PTPRZ1: variants seen among roughly 807,000 people sequenced by gnomAD.
The protein encoded by PTPRZ1 is protein tyrosine phosphatase receptor type Z1.
In PTPRZ1, 82 loss-of-function variants were observed where a neutral mutation model predicts 214.1. The observed-to-expected ratio is 0.38, with a 90% CI of 0.32 to 0.46. The LOEUF (loss-of-function observed/expected upper bound fraction) is 0.46, where lower values mean the gene tolerates loss of function less well. Among genes scored for constraint, PTPRZ1 ranks in the 20% least tolerant of loss-of-function variants. The pLI, the probability that PTPRZ1 is intolerant of heterozygous loss-of-function variation, is 1.00. For missense variants in PTPRZ1, 2,603 were observed against 2,748.7 expected, an observed-to-expected ratio of 0.95 and a Z score of 1.19; for synonymous variants, 945 against 987.9, an observed-to-expected ratio of 0.96 and a Z score of 0.81.
chr7:121,963,462 T>G (rs1796941926), intron 2 of PTPRZ1, among the ~76,000 whole-genome samples: 1 of 152,102 alleles, frequency 6.6e-6, no homozygotes, highest in South Asian at 2.1e-4. Context: ...ACTCCCTTTT[T>G]GGGAGTTTTA....
intron 8 of PTPRZ1, among the ~76,000 whole-genome samples, chr7:121,984,827 G>A (rs1333025239): frequency 1.3e-5 from 2 of 151,616 alleles, no homozygotes; most frequent in East Asian, 1.9e-4. Flanking sequence ...ATTTTTAAAT[G>A]TCCAGAGAAC....
intron 15 of PTPRZ1, 136 bp downstream of exon 15, chr7:122,031,695 A>C: frequency 1.7e-6 from 1 of 573,326 alleles, no homozygotes. Flanking sequence ...CCATAATTAC[A>C]TATGTGTTTA....
intron 2 of PTPRZ1, among the ~76,000 whole-genome samples, chr7:121,953,962 CA>C (rs1796633764): frequency 6.6e-6 from 1 of 152,172 alleles, no homozygotes; most frequent in Non-Finnish European, 1.5e-5. Context: ...AGTCATCAGT[CA>C]GAGTCATCAA....
intron 1 of PTPRZ1, among the ~76,000 whole-genome samples, chr7:121,915,805 A>G (rs1563015740): frequency 6.6e-6 from 1 of 152,124 alleles, no homozygotes; most frequent in Non-Finnish European, 1.5e-5. Context: ...TCTATTAAGG[A>G]AAACAGGTTA....
At chr7:122,033,804 A>C in intron 15 of PTPRZ1, 1 of 394,274 alleles carries the variant, frequency 2.5e-6, no homozygotes, top group Non-Finnish European at 4.5e-6. Context: ...TGTATCATGG[A>C]ATATGTGGTT....
intron 1 of PTPRZ1, among the ~76,000 whole-genome samples, chr7:121,927,580 C>G (rs907029985): frequency 6.6e-6 from 1 of 152,166 alleles, no homozygotes; most frequent in African/African-American, 2.4e-5. Context: ...CTCTGTTCCT[C>G]CAAGTGACAA....
Position 122,010,443 on chromosome 7 carries a change from A to C in PTPRZ1, c.1397A>C (p.His466Pro). 1 of 1,614,066 alleles carries C rather than the reference A, an allele frequency of 6.2e-7. No homozygotes were observed. Among genetic ancestry groups the C allele is most frequent in the Non-Finnish European group, 8.5e-7 (1 of 1,179,964 alleles). ...KKEPQISTTT[H>P]YNRIGTKYNE... ...GAACCCCAGATTTCTACCACAACAC[A>C]CTACAATCGCATAGGGACGAAATAC... The change falls in exon 12 of 30, where the codon CAC becomes CCC. Residue 466 changes from histidine to proline, a missense_variant. By Grantham distance (77) the His-to-Pro change is moderately conservative. This residue lies in a region of PTPRZ1 where 1,913 missense variants were observed against 1,914.3 expected (regional missense o/e 1.00). Coordinates refer to ENST00000393386, the MANE Select transcript of PTPRZ1 (RefSeq NM_002851.3).
At chr7:122,020,549 GTAAAAGCTA>G (rs1449879131) in intron 13 of PTPRZ1, among the ~76,000 whole-genome samples, 9 of 152,152 alleles carry the variant, frequency 5.9e-5, no homozygotes, top group Admixed American at 2.6e-4. Context: ...TGTCTTTTGA[GTAAAAGCTA>G]TTGGATGTTT....
At chr7:122,034,500 G>A in intron 17 of PTPRZ1, 122 bp downstream of exon 17, 1 of 722,898 alleles carries the variant, frequency 1.4e-6, no homozygotes, top group Non-Finnish European at 2.3e-6. Flanking sequence ...TTTTTATCAG[G>A]GAATAATAAG....
In PTPRZ1 at chr7:121,891,451, C is replaced by CTTTTTTTTTTTTTTTTTT. The variant is rs58135453; in HGVS notation, c.58+17907_58+17924dup. ...AAATATTTGTTGAATAAAACAACCTCTTTTTTTTTTTTTTTTTTTTTTTTT... is the reference window on the plus strand; with the variant it reads ...AAATATTTGTTGAATAAAACAACCTCTTTTTTTTTTTTTTTTTTTTTTTTTTTTTTTTTTTTTTTTTTT... On this transcript the variant is annotated intron_variant, in intron 1 of 29. Coordinates refer to ENST00000393386, the MANE Select transcript of PTPRZ1 (RefSeq NM_002851.3). Among the ~76,000 whole-genome samples the CTTTTTTTTTTTTTTTTTT allele has an allele frequency of 1.5e-3, 55 of 35,750 alleles. 4 individuals are homozygous for CTTTTTTTTTTTTTTTTTT. Among genetic ancestry groups the CTTTTTTTTTTTTTTTTTT allele is most frequent in the Non-Finnish European group, 2.1e-3 (41 of 19,366 alleles). The allele number at this position is 35,750 out of a possible 152,430, so 23.5% of individuals were successfully genotyped here.
In PTPRZ1 at chr7:122,010,791, G is replaced by A. The variant is rs1260022141; in HGVS notation, c.1745G>A (p.Gly582Glu). ...TTGACCAGTTTCAAGCTTGATACTGGAGCTGAAGATTCTTCAGGCTCCAGT... is the reference window on the plus strand; with the variant it reads ...TTGACCAGTTTCAAGCTTGATACTGAAGCTGAAGATTCTTCAGGCTCCAGT... ...SLLTSFKLDT[G>E]AEDSSGSSPA... Residue 582 changes from glycine (G) to glutamate (E), a missense_variant, in exon 12 of 30, where the codon GGA becomes GAA. Gly to Glu is a moderately conservative substitution (Grantham distance 98). Coordinates refer to ENST00000393386, the MANE Select transcript of PTPRZ1 (RefSeq NM_002851.3). 1.9e-6 allele frequency: 3 copies of A among 1,613,762 alleles called. No homozygotes were observed. Among genetic ancestry groups the A allele is most frequent in the African/African-American group, 2.7e-5 (2 of 74,870 alleles).
At chr7:122,056,745 T>C (rs971100322) in intron 27 of PTPRZ1, among the ~76,000 whole-genome samples, 11 of 151,864 alleles carry the variant, frequency 7.2e-5, no homozygotes, top group African/African-American at 2.4e-4. Context: ...GACCATCAAG[T>C]CTTTCATTTG....
intron 21 of PTPRZ1, 116 bp from the exon 22 acceptor site, chr7:122,042,492 C>T: frequency 2.0e-6 from 2 of 1,012,918 alleles, no homozygotes; most frequent in Non-Finnish European, 2.8e-6. Flanking sequence ...TATTGTGTGG[C>T]TCACTCGCTT....
intron 2 of PTPRZ1, among the ~76,000 whole-genome samples, chr7:121,931,745 G>A (rs992918848): frequency 6.6e-6 from 1 of 152,186 alleles, no homozygotes; most frequent in Admixed American, 6.5e-5. Flanking sequence ...GCTGAGTATA[G>A]ACACAGCACC....
chr7:122,035,248 T>C (rs1308719445), intron 17 of PTPRZ1, among the ~76,000 whole-genome samples: 1 of 152,194 alleles, frequency 6.6e-6, no homozygotes, highest in Non-Finnish European at 1.5e-5. Flanking sequence ...CCTGTTACTA[T>C]CATGATCTCT....
chr7:121,909,642 A>T (rs1795213576), intron 1 of PTPRZ1, among the ~76,000 whole-genome samples: 1 of 152,204 alleles, frequency 6.6e-6, no homozygotes. Flanking sequence ...TTACATAATG[A>T]TAACGTTGAA....
chr7:121,898,610 T>C (rs907602371), intron 1 of PTPRZ1, among the ~76,000 whole-genome samples: 1 of 152,206 alleles, frequency 6.6e-6, no homozygotes, highest in African/African-American at 2.4e-5. Flanking sequence ...TTCCTTCACG[T>C]AGATGAGGGA....
intron 8 of PTPRZ1, among the ~76,000 whole-genome samples, chr7:121,991,767 A>G (rs139783213): frequency 1.0e-3 from 156 of 152,366 alleles, no homozygotes; most frequent in African/African-American, 3.4e-3. Flanking sequence ...TCTTTTGGCT[A>G]TTAATCTAAA....
In PTPRZ1 at chr7:122,013,667, G is replaced by C. The variant is rs1023953276; in HGVS notation, c.4621G>C (p.Ala1541Pro). Residue 1541 changes from alanine (A) to proline (P), a missense_variant, in exon 12 of 30, where the codon GCA becomes CCA. Ala to Pro is a conservative substitution (Grantham distance 27). Coordinates refer to ENST00000393386, the MANE Select transcript of PTPRZ1 (RefSeq NM_002851.3). ...LPLSPESKAW[A>P]VLTSDEESGS... ...TCTCAGCCCTGAATCTAAAGCATGG[G>C]CAGTTCTGACAAGTGATGAAGAAAG... 5 of 1,614,074 alleles carry C rather than the reference G, an allele frequency of 3.1e-6. No individual in the cohort carries two copies. Among genetic ancestry groups the C allele is most frequent in the Admixed American group, 3.3e-5 (2 of 60,004 alleles).
Sources: allele counts gnomAD v4.1 joint callset (sites outside exome capture counted in the v4.1 genomes callset), GRCh38; gene constraint gnomAD v4.1.1; regional missense constraint gnomAD v4.1.1; transcripts MANE v1.5; gene names NCBI Gene and HGNC (gene_info 2026-07-23, HGNC 2026-07-21).